The following PEX3 variants were observed in gnomAD, a reference collection of about 807,000 sequenced individuals.
PEX3 encodes peroxisomal biogenesis factor 3.
A neutral mutation model predicts 55.8 loss-of-function variants in PEX3; 30 were observed. That is an observed-to-expected ratio of 0.54 (90% confidence interval 0.40 to 0.73). PEX3 has a LOEUF of 0.73. Among genes scored for constraint, PEX3 ranks in the 30% least tolerant of loss-of-function variants. The probability of loss-of-function intolerance (pLI) is 0.00; values close to 1 mark genes in which losing one functional copy is unlikely to be tolerated. For missense variants in PEX3, 351 were observed against 432.8 expected (o/e 0.81, Z 1.68); for synonymous variants, 135 against 148.4 (o/e 0.91, Z 0.66).
chr6:143,484,973 A>G (rs1188998023), intron 10 of PEX3, 179 bp from the exon 11 acceptor site: 1 of 580,698 alleles, frequency 1.7e-6, no homozygotes, highest in Non-Finnish European at 3.1e-6. Flanking sequence ...GCCAAAAGAA[A>G]TTGGTCATGA....
In PEX3 at chr6:143,485,360, C is replaced by T. The variant is rs946371758; in HGVS notation, c.1038+112C>T. On this transcript the variant is annotated intron_variant, in intron 11 of 11. Transcript: ENST00000367591. This position sits in a 1 kb window ranked among gnomAD's most constrained non-coding sequence, Gnocchi z 5.6. ...GCTGAGAGGTTTTTTCAAAAAATCA[C>T]AGAACTTGGAACTACATGTAGAGTA... 1 of 739,080 alleles carries T rather than the reference C, an allele frequency of 1.4e-6. No individual in the cohort carries two copies. Among genetic ancestry groups the T allele is most frequent in the Middle Eastern group, 2.5e-4 (1 of 3,972 alleles). 45.8% of individuals were successfully genotyped at this position (739,080 alleles called of 1,614,324 possible). A position where few individuals can be genotyped will look rare whatever the true frequency, so the allele number is the denominator to read the frequency against.
Position 143,471,379 on chromosome 6 carries a change from A to G in PEX3, c.457-4A>G. On this transcript the variant is annotated splice_polypyrimidine_tract_variant and splice_region_variant and intron_variant, in intron 5 of 11. Coordinates refer to ENST00000367591, the MANE Select transcript of PEX3 (RefSeq NM_003630.3). This position sits in a 1 kb window ranked among gnomAD's most constrained non-coding sequence, Gnocchi z 5.4. ...TAATTGAACTGTATTTCTGTTTTAT[A>G]CAGACAATTCTTGCTCCCCCAGATG... 1 of 1,592,828 alleles carries G rather than the reference A, an allele frequency of 6.3e-7. No homozygotes were observed. The highest frequency in any genetic ancestry group is 8.6e-7 in the Non-Finnish European group (1 of 1,161,026).
chr6:143,470,275 A>G (rs1780055034), intron 4 of PEX3, among the ~76,000 whole-genome samples: 1 of 151,990 alleles, frequency 6.6e-6, no homozygotes, highest in African/African-American at 2.4e-5. Context: ...CTTATGACCA[A>G]GATTTCTACA....
chr6:143,474,944 C>G (rs147919472), intron 9 of PEX3, 88 bp downstream of exon 9: 1 of 757,932 alleles, frequency 1.3e-6, no homozygotes, highest in African/African-American at 1.7e-5. Context: ...ACAACATGGT[C>G]GGTATAATAT....
In PEX3 at chr6:143,487,400, T is replaced by C. The variant is rs1450605157; in HGVS notation, c.1039-1743T>C. ...TTTATGTGTTGTTTATGGCTGCTTT[T>C]GCACTACAATGGTAGTATTTCTCAG... On this transcript the variant is annotated intron_variant, in intron 11 of 11. Transcript: ENST00000367591. This position sits in a 1 kb window ranked among gnomAD's most constrained non-coding sequence, Gnocchi z 5.3. Among the ~76,000 whole-genome samples the C allele has an allele frequency of 6.6e-6, 1 of 152,170 alleles. No homozygotes were observed. Among genetic ancestry groups the C allele is most frequent in the African/African-American group, 2.4e-5 (1 of 41,454 alleles).
rs972443456 is a variant in PEX3 at position 143,486,961 on chromosome 6, A to G, written c.1038+1713A>G. Among the ~76,000 whole-genome samples, 13 of 152,198 alleles carry G rather than the reference A, an allele frequency of 8.5e-5. No individual in the cohort carries two copies. Among genetic ancestry groups the G allele is most frequent in the African/African-American group, 1.7e-4 (7 of 41,456 alleles). On this transcript the variant is annotated intron_variant, in intron 11 of 11. Coordinates refer to ENST00000367591, the MANE Select transcript of PEX3 (RefSeq NM_003630.3). The surrounding 1 kb of genome is among the most constrained non-coding windows in gnomAD (Gnocchi z 5.0). ...CTGTTTCAACAAAACTTTATATACA[A>G]AAACAGGCGGCAGTGGATTTGGCCT...
rs1158795278 is a variant in PEX3 at position 143,463,587 on chromosome 6, A to C, written c.287+590A>C. Among the ~76,000 whole-genome samples the C allele has an allele frequency of 6.9e-6, 1 of 145,142 alleles. No homozygotes were observed. The highest frequency in any genetic ancestry group is 2.5e-5 in the African/African-American group (1 of 40,262). ...TTGTAATTTGGTATGATACTGTATT[A>C]GTTTGAGAAGACTTCCAGCAGGAAA... On this transcript the variant is annotated intron_variant, in intron 3 of 11. Transcript: ENST00000367591. This position sits in a 1 kb window ranked among gnomAD's most constrained non-coding sequence, Gnocchi z 5.7.
chr6:143,470,809 T>C, intron 4 of PEX3, 152 bp from the exon 5 acceptor site: 1 of 634,420 alleles, frequency 1.6e-6, no homozygotes, highest in Non-Finnish European at 2.7e-6. Context: ...GAGGAGAGAC[T>C]GAAATATTTT....
rs747441378 is a variant in PEX3, at chr6:143,471,384, C to T, written c.458C>T (p.Thr153Ile). ...DNAAVGKNGT[T>I]ILAPPDVQQQ... ...GAACTGTATTTCTGTTTTATACAGA[C>T]AATTCTTGCTCCCCCAGATGTCCAA... Residue 153 changes from threonine to isoleucine, a missense_variant and splice_region_variant, in exon 6 of 12, where the codon ACA becomes ATA. By Grantham distance (89) the Thr-to-Ile change is moderately conservative. Coordinates refer to ENST00000367591, the MANE Select transcript of PEX3 (RefSeq NM_003630.3). This position sits in a 1 kb window ranked among gnomAD's most constrained non-coding sequence, Gnocchi z 5.4. The T allele has an allele frequency of 1.6e-5, 25 of 1,597,030 alleles. No homozygotes were observed. Among genetic ancestry groups the T allele is most frequent in the Non-Finnish European group, 1.9e-5 (22 of 1,164,938 alleles).
Position 143,488,191 on chromosome 6 carries a change from C to T in PEX3, c.1039-952C>T, listed in dbSNP as rs528880706. Among the ~76,000 whole-genome samples the T allele has an allele frequency of 2.6e-5, 4 of 152,060 alleles. No individual in the cohort carries two copies. The highest frequency in any genetic ancestry group is 2.1e-4 in the South Asian group (1 of 4,824). On this transcript the variant is annotated intron_variant, in intron 11 of 11. Transcript: ENST00000367591. The surrounding 1 kb of genome is among the most constrained non-coding windows in gnomAD (Gnocchi z 4.9). ...ATGTCTAAACCTCACTTGGATTTTCCGATACTTAAGAAACAGAGATCACTA... is the reference window on the plus strand; with the variant it reads ...ATGTCTAAACCTCACTTGGATTTTCTGATACTTAAGAAACAGAGATCACTA...
rs184386368 is a variant in PEX3, at chr6:143,486,697, G to T, written c.1038+1449G>T. Among the ~76,000 whole-genome samples, 2 of 152,162 alleles carry T rather than the reference G, an allele frequency of 1.3e-5. No homozygotes were observed. Among genetic ancestry groups the T allele is most frequent in the East Asian group, 3.9e-4 (2 of 5,188 alleles). The stretch of plus-strand genomic sequence containing the variant: ...TATCTTTTTATAAAGCCTTTGCCTT[G>T]ATTAGAATGCTAATTTACATAAAAT... On this transcript the variant is annotated intron_variant, in intron 11 of 11. Coordinates refer to ENST00000367591, the MANE Select transcript of PEX3 (RefSeq NM_003630.3). The surrounding 1 kb of genome is among the most constrained non-coding windows in gnomAD (Gnocchi z 5.0).
At chr6:143,460,658 A>C (rs1223738378) in intron 2 of PEX3, among the ~76,000 whole-genome samples, 1 of 152,132 alleles carries the variant, frequency 6.6e-6, no homozygotes, top group Non-Finnish European at 1.5e-5. Flanking sequence ...TGAGGTTAGG[A>C]ATTTGAGACC....
Position 143,472,259 on chromosome 6 carries a change from T to A in PEX3, c.678T>A (p.Asn226Lys), listed in dbSNP as rs1235445751. 6.2e-7 allele frequency: 1 copy of A among 1,609,082 alleles called. No homozygotes were observed. The highest frequency in any genetic ancestry group is 2.2e-5 in the East Asian group (1 of 44,730). The change falls in exon 8 of 12, where the codon AAT (asparagine) becomes AAA (lysine). Residue 226 changes from asparagine to lysine, a missense_variant. By Grantham distance (94) the Asn-to-Lys change is moderately conservative. Transcript: ENST00000367591. Reference sequence around the variant, plus strand: ...AGCATAAGTCTTCTTCTTGGATTAATAAAGATGGATCCAAACCTTTATTAT... The same window carrying A: ...AGCATAAGTCTTCTTCTTGGATTAAAAAAGATGGATCCAAACCTTTATTAT... ...VEQHKSSSWI[N>K]KDGSKPLLCH...
rs1332720451 is a variant in PEX3, at chr6:143,488,145, T to C, written c.1039-998T>C. ...ATTCTCTGATGAGATAATTTAACCA[T>C]GAATTGATTGAGATTAGGACATGTC... On this transcript the variant is annotated intron_variant, in intron 11 of 11. Coordinates refer to ENST00000367591, the MANE Select transcript of PEX3 (RefSeq NM_003630.3). This position sits in a 1 kb window ranked among gnomAD's most constrained non-coding sequence, Gnocchi z 4.9. Among the ~76,000 whole-genome samples, 1 of 152,048 alleles carries C rather than the reference T, an allele frequency of 6.6e-6. No individual in the cohort carries two copies. Among genetic ancestry groups the C allele is most frequent in the Non-Finnish European group, 1.5e-5 (1 of 67,950 alleles).
In PEX3 at chr6:143,489,969, T is replaced by C. The variant is rs1780365780; in HGVS notation, c.*743T>C. 1 of 152,196 alleles carries C rather than the reference T, an allele frequency of 6.6e-6. No individual in the cohort carries two copies. Among genetic ancestry groups the C allele is most frequent in the South Asian group, 2.1e-4 (1 of 4,834 alleles). 9.4% of individuals were successfully genotyped at this position (152,196 alleles called of 1,614,324 possible). On this transcript the variant is annotated 3_prime_UTR_variant, in exon 12 of 12. Transcript: ENST00000367591. This position sits in a 1 kb window ranked among gnomAD's most constrained non-coding sequence, Gnocchi z 5.5. Reference sequence around the variant, plus strand: ...AAACTTACTTTGTATTGATTTTGAATACAGTGAAAATCTTATTGCAATAAA... The same window carrying C: ...AAACTTACTTTGTATTGATTTTGAACACAGTGAAAATCTTATTGCAATAAA...
rs1780067923 is a variant in PEX3 at position 143,471,145 on chromosome 6, T to C, written c.456+60T>C. ...TCCCTCAGGAGGTTCAAAGTTTAAC[T>C]TATTTATCCTGATAACAATTTCTAT... On this transcript the variant is annotated intron_variant, in intron 5 of 11. Coordinates refer to ENST00000367591, the MANE Select transcript of PEX3 (RefSeq NM_003630.3). The surrounding 1 kb of genome is among the most constrained non-coding windows in gnomAD (Gnocchi z 5.4). 2 of 1,399,536 alleles carry C rather than the reference T, an allele frequency of 1.4e-6. No homozygotes were observed. Among genetic ancestry groups the C allele is most frequent in the African/African-American group, 1.4e-5 (1 of 70,656 alleles). The allele number at this position is 1,399,536 out of a possible 1,614,324, so 86.7% of individuals were successfully genotyped here.
chr6:143,468,535 A>C (rs1360599425), intron 4 of PEX3, among the ~76,000 whole-genome samples: 2 of 152,206 alleles, frequency 1.3e-5, no homozygotes, highest in Admixed American at 1.3e-4. Flanking sequence ...ACAAAAAGCT[A>C]AACTAGGGCC....
Position 143,458,962 on chromosome 6 carries a change from G to A in PEX3, c.74-123G>A. On this transcript the variant is annotated intron_variant, in intron 1 of 11. Transcript: ENST00000367591. The surrounding 1 kb of genome is among the most constrained non-coding windows in gnomAD (Gnocchi z 6.1). ...CAATCTTACAAAATTCTTTATTTAGGTTTTAAAAATGTAATTTTAGCTATC... is the reference window on the plus strand; with the variant it reads ...CAATCTTACAAAATTCTTTATTTAGATTTTAAAAATGTAATTTTAGCTATC... 3.0e-6 allele frequency: 2 copies of A among 666,434 alleles called. No homozygotes were observed. Among genetic ancestry groups the A allele is most frequent in the Non-Finnish European group, 5.2e-6 (2 of 385,268 alleles). 41.3% of individuals were successfully genotyped at this position (666,434 alleles called of 1,614,324 possible). A position where few individuals can be genotyped will look rare whatever the true frequency, so the allele number is the denominator to read the frequency against.
At chr6:143,478,146 C>T (rs1266106014) in intron 9 of PEX3, among the ~76,000 whole-genome samples, 1 of 152,042 alleles carries the variant, frequency 6.6e-6, no homozygotes, top group East Asian at 1.9e-4. Context: ...TCAAAACATG[C>T]TAAGTGAAAG....
Sources: gnomAD v4.1 joint callset for allele counts (sites outside exome capture counted in the v4.1 genomes callset) on GRCh38, gnomAD v4.1.1 for gene constraint, Gnocchi (gnomAD v3.1) non-coding constraint, MANE v1.5 for transcripts, NCBI Gene and HGNC (gene_info 2026-07-23, HGNC 2026-07-21) for gene names.